The following GLIS3 variants were observed in gnomAD, a reference collection of about 807,000 sequenced individuals.
The protein encoded by GLIS3 is GLIS family zinc finger 3.
GLIS3 carries 53 observed loss-of-function variants against 78.6 expected under a neutral mutation model. The ratio of observed to expected loss-of-function variants is 0.67; its 90% CI spans 0.54 to 0.85. GLIS3 has a LOEUF of 0.85. GLIS3 is among the 40% of genes least tolerant of loss of function. GLIS3 has a pLI of 0.00. For synonymous variants in GLIS3, 684 were observed against 509.9 expected, an observed-to-expected ratio of 1.34 and a Z score of -4.60; for missense variants, 1,703 against 1,231.1, an observed-to-expected ratio of 1.38 and a Z score of -5.74.
chr9:3,825,571 A>T lies in GLIS3; in HGVS notation c.*2701T>A, dbSNP rs1329280233. 1 of 152,222 alleles carries T rather than the reference A, an allele frequency of 6.6e-6. No homozygotes were observed. Among genetic ancestry groups the T allele is most frequent in the Non-Finnish European group, 1.5e-5 (1 of 68,048 alleles). 9.4% of individuals were successfully genotyped at this position (152,222 alleles called of 1,614,324 possible). On this transcript the variant is annotated 3_prime_UTR_variant, in exon 11 of 11. Transcript: ENST00000381971. ...TGAAAATGGTTACATATCAAGACTTAAAAAGACCAGGACATGAAAGGGAAT... is the reference window on the plus strand; with the variant it reads ...TGAAAATGGTTACATATCAAGACTTTAAAAGACCAGGACATGAAAGGGAAT...
intron 4 of GLIS3, among the ~76,000 whole-genome samples, chr9:4,032,350 G>A (rs760923708): frequency 1.3e-5 from 2 of 152,002 alleles, no homozygotes; most frequent in African/African-American, 2.4e-5. Flanking sequence ...CCTTAGCAGC[G>A]TAATCACCAA....
chr9:4,482,288 T>C, the GLIS3 span, among the ~76,000 whole-genome samples: 1 of 152,228 alleles, frequency 6.6e-6, no homozygotes, highest in Non-Finnish European at 1.5e-5. Context: ...ATATAACTAA[T>C]AGATAAGTTC....
chr9:4,328,835 C>G (rs754565496), intron 2 of GLIS3, among the ~76,000 whole-genome samples: 2 of 152,166 alleles, frequency 1.3e-5, no homozygotes, highest in Non-Finnish European at 2.9e-5. Context: ...GTGCCCGGCA[C>G]GTGACAAGCA....
At chr9:3,869,860 A>G (rs1434127291) in intron 8 of GLIS3, among the ~76,000 whole-genome samples, 1 of 152,212 alleles carries the variant, frequency 6.6e-6, no homozygotes, top group Non-Finnish European at 1.5e-5. Flanking sequence ...CATGAAACAG[A>G]TGATAAGATC....
chr9:4,232,425 CA>C (rs1293233086), intron 2 of GLIS3, among the ~76,000 whole-genome samples: 1 of 140,772 alleles, frequency 7.1e-6, no homozygotes, highest in Non-Finnish European at 1.6e-5. Flanking sequence ...AAGAAAGAAA[CA>C]AAGAAACAAA....
At chr9:4,302,962 G>A (rs566282562), upstream of GLIS3, among the ~76,000 whole-genome samples, 1 of 152,264 alleles carries the variant, frequency 6.6e-6, no homozygotes, top group East Asian at 1.9e-4. Flanking sequence ...AGCATCAAAA[G>A]GGGCACAGAA....
At chr9:4,464,356 TTTTA>T in the GLIS3 span, among the ~76,000 whole-genome samples, 5 of 151,506 alleles carry the variant, frequency 3.3e-5, no homozygotes, top group African/African-American at 4.8e-5. Context: ...TAATATTTTC[TTTTA>T]TTTATTTATT....
chr9:3,869,140 A>G (rs1820806683), intron 8 of GLIS3, among the ~76,000 whole-genome samples: 2 of 152,250 alleles, frequency 1.3e-5, no homozygotes, highest in Non-Finnish European at 2.9e-5. Context: ...AAGACAATAA[A>G]CAAAACAACA....
intron 2 of GLIS3, among the ~76,000 whole-genome samples, chr9:4,234,806 C>A (rs555107428): frequency 6.6e-6 from 1 of 152,258 alleles, no homozygotes; most frequent in South Asian, 2.1e-4. Context: ...ATATAAAGAG[C>A]TTAAGTGACC....
At chr9:4,002,036 G>A (rs754051360) in intron 4 of GLIS3, among the ~76,000 whole-genome samples, 10 of 152,158 alleles carry the variant, frequency 6.6e-5, no homozygotes, top group East Asian at 1.9e-4. Flanking sequence ...TAAAAAGTAC[G>A]TGGCAGCTGT....
At chr9:3,920,332 C>A (rs1446322012) in intron 6 of GLIS3, among the ~76,000 whole-genome samples, 4 of 152,116 alleles carry the variant, frequency 2.6e-5, no homozygotes, top group Non-Finnish European at 5.9e-5. Context: ...ATCAAATCAC[C>A]CTTTCTTGCT....
At chr9:4,311,830 T>C (rs1817364725) in intron 2 of GLIS3, among the ~76,000 whole-genome samples, 1 of 152,214 alleles carries the variant, frequency 6.6e-6, no homozygotes, top group African/African-American at 2.4e-5. Flanking sequence ...TTCAGTTAGA[T>C]GATGTCTTCA....
chr9:4,339,368 C>G (rs897744431), intron 2 of GLIS3, among the ~76,000 whole-genome samples: 1 of 152,312 alleles, frequency 6.6e-6, no homozygotes, highest in East Asian at 1.9e-4. Flanking sequence ...TCATGAAATA[C>G]ATGCTTCACT....
chr9:3,949,626 T>A (rs1387494136), intron 4 of GLIS3, among the ~76,000 whole-genome samples: 1 of 152,220 alleles, frequency 6.6e-6, no homozygotes, highest in East Asian at 1.9e-4. Context: ...TTACCTTTTC[T>A]TCAAAGTAAC....
At position 4,100,789 on chromosome 9, in the gene GLIS3, C is replaced by G. The variant is rs187008753; in HGVS notation, c.1710+16979G>C. 4.4e-3 allele frequency among the ~76,000 whole-genome samples: 668 copies of G among 152,286 alleles called. 6 individuals are homozygous for G. Among genetic ancestry groups the G allele is most frequent in the African/African-American group, 0.016 (648 of 41,560 alleles). On this transcript the variant is annotated intron_variant, in intron 4 of 10. Transcript: ENST00000381971. ...CTCCTGAGCATAGAAAGCCATTTTA[C>G]TCATCTATGTTATCCCTCTACGGTT... is the stretch of plus-strand genomic sequence containing the variant.
intron 7 of GLIS3, chr9:3,898,412 G>GT: frequency 2.2e-6 from 1 of 460,452 alleles, no homozygotes; most frequent in Non-Finnish European, 4.0e-6. Context: ...GTGAGTAAAT[G>GT]TAACATAACT....
the GLIS3 span, among the ~76,000 whole-genome samples, chr9:4,465,339 G>T: frequency 9.9e-5 from 15 of 152,202 alleles, no homozygotes; most frequent in African/African-American, 3.6e-4. Flanking sequence ...CCAGAGGTCG[G>T]GAGTTCGAGA....
intron 9 of GLIS3, among the ~76,000 whole-genome samples, chr9:3,842,898 C>G (rs1424503364): frequency 6.6e-6 from 1 of 152,176 alleles, no homozygotes; most frequent in African/African-American, 2.4e-5. Context: ...GCATCTCTTC[C>G]CCTTGGGCAG....
chr9:4,259,908 G>C, intron 2 of GLIS3, among the ~76,000 whole-genome samples: 1 of 152,310 alleles, frequency 6.6e-6, no homozygotes, highest in Middle Eastern at 3.4e-3. Flanking sequence ...AGGATTTAAA[G>C]GACCTACTTA....
Sources: gnomAD v4.1 joint callset for allele counts (sites outside exome capture counted in the v4.1 genomes callset) on GRCh38, gnomAD v4.1.1 for gene constraint, MANE v1.5 for transcripts, NCBI Gene and HGNC (gene_info 2026-07-23, HGNC 2026-07-21) for gene names.